Variants in PCDHGA5 observed in about 807,000 individuals in gnomAD.
PCDHGA5 encodes the protein protocadherin gamma subfamily A, 5.
Under a neutral mutation model 56.7 loss-of-function variants are expected in PCDHGA5, and 36 were observed. That is an observed-to-expected ratio of 0.64 (90% CI 0.49 to 0.84). PCDHGA5 has a LOEUF of 0.84. PCDHGA5 is among the 40% of genes least tolerant of loss of function. The probability of loss-of-function intolerance (pLI) is 0.00; values close to 1 mark genes in which losing one functional copy is unlikely to be tolerated. For missense variants in PCDHGA5, 1,305 were observed against 1,201.5 expected, an observed-to-expected ratio of 1.09 and a Z score of -1.27; for synonymous variants, 563 against 520.2, an observed-to-expected ratio of 1.08 and a Z score of -1.12.
chr5:141,400,507 A>G (rs1158150708), intron 1 of PCDHGA5: 1 of 1,613,864 alleles, frequency 6.2e-7, no homozygotes, highest in Non-Finnish European at 8.5e-7. Context: ...CAGCGAGTCG[A>G]CTTCCCATCC....
At chr5:141,400,766 C>T in intron 1 of PCDHGA5, 1 of 577,074 alleles carries the variant, frequency 1.7e-6, no homozygotes, top group South Asian at 2.3e-5. Context: ...CTAGCAAAAA[C>T]ATTTGGTGCG....
chr5:141,397,985 C>A (rs1034752721), intron 1 of PCDHGA5: 3 of 1,315,640 alleles, frequency 2.3e-6, no homozygotes, highest in Non-Finnish European at 2.1e-6. Context: ...GGCCTTTACA[C>A]CGCTTCCTCC....
intron 1 of PCDHGA5, among the ~76,000 whole-genome samples, chr5:141,460,961 A>ATATGTGTGTGTG (rs1463306338): frequency 4.1e-5 from 6 of 144,616 alleles, no homozygotes; most frequent in Admixed American, 1.4e-4. Flanking sequence ...GTATATATAT[A>ATATGTGTGTGTG]TGTGTGTGTG....
intron 1 of PCDHGA5, among the ~76,000 whole-genome samples, chr5:141,434,345 G>C (rs1254991411): frequency 1.3e-5 from 2 of 152,144 alleles, no homozygotes; most frequent in African/African-American, 4.8e-5. Flanking sequence ...GTCGGGAACA[G>C]GCCCCCCAAA....
At position 141,428,400 on chromosome 5, in the gene PCDHGA5, G is replaced by T. The variant is rs373595231; in HGVS notation, c.2421+61649G>T. 3 of 483,290 alleles carry T rather than the reference G, an allele frequency of 6.2e-6. No individual in the cohort carries two copies. The East Asian group carries it at 1.2e-4, about 20-fold the overall frequency. 29.9% of individuals were successfully genotyped at this position (483,290 alleles called of 1,614,324 possible). ...GATGCTCTTCCAGCCCCTCTGCCTGGGGTTGCTTTCACCCTGGTCTCTGTT... is the reference window on the plus strand; with the variant it reads ...GATGCTCTTCCAGCCCCTCTGCCTGTGGTTGCTTTCACCCTGGTCTCTGTT... On this transcript the variant is annotated intron_variant, in intron 1 of 3. Coordinates refer to ENST00000518069, the MANE Select transcript of PCDHGA5 (RefSeq NM_018918.3).
At chr5:141,394,028 G>A (rs758413971) in intron 1 of PCDHGA5, 1 of 1,613,454 alleles carries the variant, frequency 6.2e-7, no homozygotes, top group Admixed American at 1.7e-5. Flanking sequence ...ATAGATTAGT[G>A]ACAAGGAAAT....
intron 1 of PCDHGA5, among the ~76,000 whole-genome samples, chr5:141,452,165 C>G (rs917431071): frequency 2.6e-5 from 4 of 152,120 alleles, no homozygotes; most frequent in African/African-American, 9.7e-5. Flanking sequence ...TATTCTATTA[C>G]TAACATTTTT....
chr5:141,476,507 A>G lies in PCDHGA5; in HGVS notation c.2422-18300A>G. 1 of 1,614,102 alleles carries G rather than the reference A, an allele frequency of 6.2e-7. No individual in the cohort carries two copies. The highest frequency in any genetic ancestry group is 8.5e-7 in the Non-Finnish European group (1 of 1,180,008). On this transcript the variant is annotated intron_variant, in intron 1 of 3. Transcript: ENST00000518069. This position sits in a 1 kb window ranked among gnomAD's most constrained non-coding sequence, Gnocchi z 7.6. Reference sequence around the variant, plus strand: ...AGTGGTGATCCAGGACATCAACGACAACAATCCTGCTTTCCCTACCCAGGA... The same window carrying G: ...AGTGGTGATCCAGGACATCAACGACGACAATCCTGCTTTCCCTACCCAGGA...
Position 141,491,140 on chromosome 5 carries a change from T to A in PCDHGA5, c.2422-3667T>A, listed in dbSNP as rs1392575961. On this transcript the variant is annotated intron_variant, in intron 1 of 3. Coordinates refer to ENST00000518069, the MANE Select transcript of PCDHGA5 (RefSeq NM_018918.3). This position sits in a 1 kb window ranked among gnomAD's most constrained non-coding sequence, Gnocchi z 6.9. ...TGGTGAGGTGCGCACAGCCCGGGCC[T>A]TACTGGAGGATGACTCTGACACCCA... 2 of 1,614,110 alleles carry A rather than the reference T, an allele frequency of 1.2e-6. No individual in the cohort carries two copies. Among genetic ancestry groups the A allele is most frequent in the Non-Finnish European group, 1.7e-6 (2 of 1,179,992 alleles).
At chr5:141,497,855 C>T (rs1447484949) in intron 2 of PCDHGA5, among the ~76,000 whole-genome samples, 1 of 152,122 alleles carries the variant, frequency 6.6e-6, no homozygotes, top group Non-Finnish European at 1.5e-5. Flanking sequence ...ATTTTTGATT[C>T]AGCGGCTCCA....
rs575250872 is a variant in PCDHGA5, at chr5:141,490,163, T to C, written c.2422-4644T>C. ...GGGGCAATCCATGTGTTGGGTCCCA[T>C]AGACTTTGAGGAGTCACGTTTCTAT... On this transcript the variant is annotated intron_variant, in intron 1 of 3. Transcript: ENST00000518069. This position sits in a 1 kb window ranked among gnomAD's most constrained non-coding sequence, Gnocchi z 5.4. 2 of 1,614,234 alleles carry C rather than the reference T, an allele frequency of 1.2e-6. No homozygotes were observed. The highest frequency in any genetic ancestry group is 2.2e-5 in the East Asian group (1 of 44,886).
Position 141,505,463 on chromosome 5 carries a change from A to G in PCDHGA5, c.2551A>G (p.Ile851Val). 1 of 1,614,184 alleles carries G rather than the reference A, an allele frequency of 6.2e-7. No homozygotes were observed. Among genetic ancestry groups the G allele is most frequent in the East Asian group, 2.2e-5 (1 of 44,876 alleles). Residue 851 changes from isoleucine to valine, a missense_variant, in exon 3 of 4, where the codon ATC (isoleucine) becomes GTC (valine). Ile to Val is a conservative substitution (Grantham distance 29). Transcript: ENST00000518069. Reference protein sequence around the residue: ...QFDTEMLQAMILASASEAADG... With the variant: ...QFDTEMLQAMVLASASEAADG... ...TGACACAGAGATGCTGCAAGCCATG[A>G]TCTTGGCGTCCGCCAGTGGTAAGTG...
At chr5:141,394,348 G>C (rs1376364642) in intron 1 of PCDHGA5, 2 of 1,614,050 alleles carry the variant, frequency 1.2e-6, no homozygotes, top group Non-Finnish European at 1.7e-6. Flanking sequence ...TCTGACACCG[G>C]TGTCCTGTAT....
At chr5:141,412,713 TG>T (rs1172943618) in intron 1 of PCDHGA5, 2 of 152,812 alleles carry the variant, frequency 1.3e-5, no homozygotes, top group Non-Finnish European at 2.9e-5. Context: ...TGTACATTTC[TG>T]TTGGGAAAAC....
chr5:141,405,927 A>G (rs138259154), intron 1 of PCDHGA5, among the ~76,000 whole-genome samples: 13 of 152,268 alleles, frequency 8.5e-5, no homozygotes, highest in African/African-American at 2.6e-4. Flanking sequence ...ATTTGCTGAT[A>G]TAACTTTCAT....
chr5:141,460,511 AT>A (rs937107682), intron 1 of PCDHGA5, among the ~76,000 whole-genome samples: 2 of 152,168 alleles, frequency 1.3e-5, no homozygotes, highest in African/African-American at 4.8e-5. Flanking sequence ...TGAGAAGGCT[AT>A]CTTTTCCCCA....
intron 1 of PCDHGA5, chr5:141,371,397 A>G: frequency 6.2e-7 from 1 of 1,614,004 alleles, no homozygotes; most frequent in Non-Finnish European, 8.5e-7. Flanking sequence ...TAAAGTACAG[A>G]TAGATATTTC....
intron 1 of PCDHGA5, among the ~76,000 whole-genome samples, chr5:141,461,978 C>T (rs888687367): frequency 2.6e-5 from 4 of 152,216 alleles, no homozygotes; most frequent in African/African-American, 9.6e-5. Flanking sequence ...CATATGCCAC[C>T]ACGCCAGGCT....
intron 1 of PCDHGA5, chr5:141,423,750 TGGGGG>T: frequency 5.2e-5 from 15 of 287,416 alleles, no homozygotes; most frequent in Non-Finnish European, 6.3e-5. Context: ...GAAAACTGTT[TGGGGG>T]GGGGGTGGGG....
Sources: gnomAD v4.1 joint callset for allele counts (sites outside exome capture counted in the v4.1 genomes callset) on GRCh38, gnomAD v4.1.1 for gene constraint, Gnocchi (gnomAD v3.1) non-coding constraint, MANE v1.5 for transcripts, NCBI Gene and HGNC (gene_info 2026-07-23, HGNC 2026-07-21) for gene names.